TBC1D19: variants seen among roughly 807,000 people sequenced by gnomAD.
The protein encoded by TBC1D19 is TBC1 domain family member 19.
Under a neutral mutation model 89.0 loss-of-function variants are expected in TBC1D19, and 60 were observed. The observed-to-expected ratio is 0.67, with a 90% CI of 0.55 to 0.84. The LOEUF (loss-of-function observed/expected upper bound fraction) is 0.84. Ranked by LOEUF, TBC1D19 falls within the 40% of genes least tolerant of loss-of-function variation. TBC1D19 has a pLI of 0.00. For synonymous variants in TBC1D19, 189 were observed against 199.7 expected (o/e 0.95, Z 0.45); for missense variants, 500 against 610.8 (o/e 0.82, Z 1.91).
At chr4:26,810,881 T>C in the TBC1D19 span, among the ~76,000 whole-genome samples, 18 of 152,238 alleles carry the variant, frequency 1.2e-4, no homozygotes, top group Non-Finnish European at 5.9e-5. Flanking sequence ...AAATTCTTGA[T>C]GAATTAATTT....
At chr4:26,849,442 C>T in the TBC1D19 span, among the ~76,000 whole-genome samples, 6 of 152,154 alleles carry the variant, frequency 3.9e-5, no homozygotes, top group African/African-American at 1.4e-4. Context: ...ACCTTCTTGA[C>T]CTTCAAAGTC....
At chr4:26,671,530 A>T (rs574584957) in intron 9 of TBC1D19, among the ~76,000 whole-genome samples, 59 of 151,716 alleles carry the variant, frequency 3.9e-4, no homozygotes, top group South Asian at 1.0e-3. Flanking sequence ...GTTTTTTTTT[A>T]AAAATGTAAT....
intron 8 of TBC1D19, among the ~76,000 whole-genome samples, chr4:26,661,718 C>A (rs1745231463): frequency 6.6e-6 from 1 of 152,152 alleles, no homozygotes; most frequent in Admixed American, 6.5e-5. Context: ...GCCCCAGGTT[C>A]ACTTAAATTT....
chr4:26,596,487 T>A (rs74397408), intron 1 of TBC1D19, among the ~76,000 whole-genome samples: 3,998 of 142,194 alleles, frequency 0.028, 122 homozygotes, highest in African/African-American at 0.075. Flanking sequence ...TGTGTGTGTG[T>A]GAGAGAGAGT....
At chr4:26,855,999 T>C in the TBC1D19 span, among the ~76,000 whole-genome samples, 1 of 152,242 alleles carries the variant, frequency 6.6e-6, no homozygotes, top group African/African-American at 2.4e-5. Flanking sequence ...TAAAAATCTA[T>C]CTTTTTAGCA....
chr4:26,850,540 C>CAAAAAAAAAAAAAAAAAAAAAAAAAA, the TBC1D19 span, among the ~76,000 whole-genome samples: 31 of 90,414 alleles, frequency 3.4e-4, no homozygotes, highest in African/African-American at 6.0e-4. Context: ...GACCCTGTCT[C>CAAAAAAAAAAAAAAAAAAAAAAAAAA]AAAAAAAAAA....
chr4:26,793,650 G>A, the TBC1D19 span, among the ~76,000 whole-genome samples: 1 of 149,812 alleles, frequency 6.7e-6, no homozygotes, highest in South Asian at 2.1e-4. Flanking sequence ...TTGAAACCAG[G>A]AAGTGGAGGT....
At chr4:26,618,748 T>C (rs1577812431) in intron 3 of TBC1D19, among the ~76,000 whole-genome samples, 1 of 152,268 alleles carries the variant, frequency 6.6e-6, no homozygotes, top group South Asian at 2.1e-4. Flanking sequence ...TCCAGGCAAA[T>C]TGGTGAATAG....
the TBC1D19 span, among the ~76,000 whole-genome samples, chr4:26,835,001 C>A: frequency 6.6e-6 from 1 of 152,122 alleles, no homozygotes; most frequent in South Asian, 2.1e-4. Flanking sequence ...CTGTGGTAGG[C>A]AGAATAATGG....
the TBC1D19 span, among the ~76,000 whole-genome samples, chr4:26,801,198 A>G: frequency 6.6e-6 from 1 of 152,164 alleles, no homozygotes; most frequent in Non-Finnish European, 1.5e-5. Context: ...GGTGTAAGGA[A>G]GGGATCCAGT....
intron 4 of TBC1D19, among the ~76,000 whole-genome samples, chr4:26,628,020 G>A (rs1490614073): frequency 1.3e-5 from 2 of 152,102 alleles, no homozygotes; most frequent in African/African-American, 4.8e-5. Flanking sequence ...ATGGTTTTAG[G>A]TCTAACGTTT....
At chr4:26,675,279 T>C (rs1712700946) in intron 11 of TBC1D19, among the ~76,000 whole-genome samples, 2 of 152,192 alleles carry the variant, frequency 1.3e-5, no homozygotes, top group Non-Finnish European at 2.9e-5. Flanking sequence ...ATTTAGAATA[T>C]TTCCAGAAGT....
At chr4:26,746,168 A>G (rs1201785106) in intron 18 of TBC1D19, among the ~76,000 whole-genome samples, 1 of 152,014 alleles carries the variant, frequency 6.6e-6, no homozygotes, top group Non-Finnish European at 1.5e-5. Context: ...CTTTTGATAT[A>G]AAAGAAAAAA....
chr4:26,593,375 G>C (rs1449341543), intron 1 of TBC1D19, among the ~76,000 whole-genome samples: 7 of 151,890 alleles, frequency 4.6e-5, no homozygotes, highest in South Asian at 2.1e-4. Flanking sequence ...AGACCTAAAA[G>C]CATAAAAACC....
intron 7 of TBC1D19, among the ~76,000 whole-genome samples, chr4:26,648,405 A>G (rs994660316): frequency 7.9e-5 from 12 of 152,216 alleles, no homozygotes; most frequent in Non-Finnish European, 1.5e-5. Flanking sequence ...ATTACAACTG[A>G]CTAGTTAGTA....
At chr4:26,615,182 A>G (rs898295266) in intron 3 of TBC1D19, among the ~76,000 whole-genome samples, 7 of 152,014 alleles carry the variant, frequency 4.6e-5, no homozygotes, top group African/African-American at 1.7e-4. Context: ...AATTGTTGTC[A>G]TTATTAAGAA....
chr4:26,673,442 T>C (rs202097074), intron 10 of TBC1D19, among the ~76,000 whole-genome samples: 978 of 14,612 alleles, frequency 0.067, 13 homozygotes, highest in African/African-American at 0.093. Flanking sequence ...TATATATATA[T>C]ATATACACAC....
chr4:26,715,385 G>A (rs1170963869), intron 13 of TBC1D19, among the ~76,000 whole-genome samples: 1 of 152,040 alleles, frequency 6.6e-6, no homozygotes, highest in Non-Finnish European at 1.5e-5. Context: ...TGCCGTCACA[G>A]TGTATTTAGA....
the TBC1D19 span, chr4:26,858,081 A>G: frequency 6.6e-6 from 1 of 152,258 alleles, no homozygotes; most frequent in South Asian, 2.1e-4. Flanking sequence ...GCCGCCGCTA[A>G]CAACCTTGTG....
Sources: allele counts gnomAD v4.1 joint callset (sites outside exome capture counted in the v4.1 genomes callset), GRCh38; gene constraint gnomAD v4.1.1; transcripts MANE v1.5; gene names NCBI Gene and HGNC (gene_info 2026-07-23, HGNC 2026-07-21).